The following MGST1 variants were observed in gnomAD, a reference collection of about 807,000 sequenced individuals.
MGST1 encodes the protein glutathione S-transferase 12.
In MGST1, 5 loss-of-function variants were observed where a neutral mutation model predicts 8.9. The ratio of observed to expected loss-of-function variants is 0.56; its 90% CI spans 0.29 to 1.19. The LOEUF (loss-of-function observed/expected upper bound fraction) is 1.19, where lower values mean the gene tolerates loss of function less well. MGST1 is among the 50% of genes most tolerant of loss of function. The pLI, the probability that MGST1 is intolerant of heterozygous loss-of-function variation, is 0.08. For missense variants in MGST1, 182 were observed against 187.4 expected, an observed-to-expected ratio of 0.97 and a Z score of 0.17; for synonymous variants, 54 against 67.8, an observed-to-expected ratio of 0.80 and a Z score of 1.00.
chr12:16,503,043 A>T lies in MGST1; in HGVS notation n.483-86485A>T, dbSNP rs2137170104. Among the ~76,000 whole-genome samples, 1 of 152,312 alleles carries T rather than the reference A, an allele frequency of 6.6e-6. No homozygotes were observed. On this transcript the variant is annotated intron_variant and non_coding_transcript_variant, in intron 4 of 4. Coordinates refer to the MGST1 transcript ENST00000538857. The surrounding 1 kb of genome is among the most constrained non-coding windows in gnomAD (Gnocchi z 4.8). ...CATTAGGAGTAGAATATGAATGACA[A>T]GTCAAATACAATCTCTGAGGGTGGA...
At chr12:16,360,358 A>G (rs1939934277) in intron 3 of MGST1, 1 of 985,270 alleles carries the variant, frequency 1.0e-6, no homozygotes, top group Admixed American at 6.1e-5. Context: ...TGGGGCTACA[A>G]ATGAAGTGAA....
At chr12:16,506,237 G>A (rs1015478191) in intron 4 of MGST1, among the ~76,000 whole-genome samples, 1 of 152,156 alleles carries the variant, frequency 6.6e-6, no homozygotes, top group African/African-American at 2.4e-5. Context: ...CCCTGAACCC[G>A]ATTCCAACAG....
At chr12:16,394,515 T>TTTCTTTCTTTCC (rs1940585016) in intron 1 of MGST1, among the ~76,000 whole-genome samples, 15 of 3,914 alleles carry the variant, frequency 3.8e-3, no homozygotes, top group African/African-American at 7.8e-3. Flanking sequence ...TTTCTCTCCC[T>TTTCTTTCTTTCC]TTCTTTCTTT....
At chr12:16,443,058 C>A (rs1441342023), downstream of MGST1, among the ~76,000 whole-genome samples, 2 of 151,762 alleles carry the variant, frequency 1.3e-5, no homozygotes, top group Non-Finnish European at 2.9e-5. Context: ...TAGAGCCATA[C>A]AAGTTTAGGG....
At chr12:16,521,711 G>C (rs1336394211) in intron 4 of MGST1, among the ~76,000 whole-genome samples, 1 of 152,022 alleles carries the variant, frequency 6.6e-6, no homozygotes, top group African/African-American at 2.4e-5. Flanking sequence ...GAATTAACTT[G>C]CAAAGAAATT....
At chr12:16,575,688 G>A (rs947306659) in intron 4 of MGST1, among the ~76,000 whole-genome samples, 1 of 152,120 alleles carries the variant, frequency 6.6e-6, no homozygotes, top group Non-Finnish European at 1.5e-5. Context: ...TCCACACACT[G>A]AGCCATTTAG....
intron 4 of MGST1, among the ~76,000 whole-genome samples, chr12:16,444,771 A>T (rs978087666): frequency 9.2e-5 from 14 of 151,932 alleles, no homozygotes; most frequent in African/African-American, 3.4e-4. Context: ...AGGGCACATA[A>T]TCCCAATTTA....
chr12:16,590,421 G>A (rs1943454733), downstream of MGST1, among the ~76,000 whole-genome samples: 1 of 151,778 alleles, frequency 6.6e-6, no homozygotes, highest in Non-Finnish European at 1.5e-5. Context: ...CATAACTAGA[G>A]CAAATATATT....
chr12:16,394,301 GC>G (rs2137055224), intron 1 of MGST1, among the ~76,000 whole-genome samples: 1 of 148,982 alleles, frequency 6.7e-6, no homozygotes, highest in East Asian at 2.2e-4. Flanking sequence ...TTGGAGTTTT[GC>G]CTTTTGGAAA....
intron 1 of MGST1, among the ~76,000 whole-genome samples, chr12:16,418,979 A>G (rs1434862626): frequency 6.6e-6 from 1 of 152,112 alleles, no homozygotes; most frequent in Non-Finnish European, 1.5e-5. Flanking sequence ...CTAAATTGGA[A>G]GAAGATCATT....
chr12:16,510,914 T>C (rs1591748293), intron 4 of MGST1, among the ~76,000 whole-genome samples: 1 of 152,334 alleles, frequency 6.6e-6, no homozygotes, highest in East Asian at 1.9e-4. Context: ...TTATAAGCTC[T>C]TTTGTAATGG....
At chr12:16,444,316 C>T (rs1024670275) in intron 4 of MGST1, among the ~76,000 whole-genome samples, 10 of 150,376 alleles carry the variant, frequency 6.7e-5, no homozygotes, top group Admixed American at 3.3e-4. Context: ...CATGCCTTTA[C>T]TCCAGACTAC....
intron 4 of MGST1, among the ~76,000 whole-genome samples, chr12:16,583,098 G>A (rs111721760): frequency 6.7e-6 from 1 of 150,226 alleles, no homozygotes; most frequent in African/African-American, 2.4e-5. Flanking sequence ...ATCCAAGACA[G>A]TAGAAAGCTT....
intron 4 of MGST1, among the ~76,000 whole-genome samples, chr12:16,534,033 G>A (rs571602425): frequency 1.3e-5 from 2 of 152,242 alleles, no homozygotes; most frequent in Admixed American, 6.5e-5. Context: ...AGATGAGTCT[G>A]GAAAGGTAGA....
intron 1 of MGST1, among the ~76,000 whole-genome samples, chr12:16,418,776 G>T (rs926681793): frequency 3.3e-5 from 5 of 152,046 alleles, no homozygotes; most frequent in Non-Finnish European, 5.9e-5. Flanking sequence ...TTACACTTGG[G>T]AATAAATAAA....
chr12:16,572,204 T>C lies in MGST1; in HGVS notation n.483-17324T>C, dbSNP rs558997057. On this transcript the variant is annotated intron_variant and non_coding_transcript_variant, in intron 4 of 4. Transcript: ENST00000538857. ...TCAATCCAGTATTAAGAAGGAGAAA[T>C]ACTAAAGTTGTACTTTTACGTAGTA... 7.6e-4 allele frequency among the ~76,000 whole-genome samples: 116 copies of C among 152,036 alleles called. 1 individual carries two copies. The highest frequency in any genetic ancestry group is 2.7e-3 in the African/African-American group (114 of 41,536).
intron 4 of MGST1, among the ~76,000 whole-genome samples, chr12:16,487,993 T>C (rs574762190): frequency 1.3e-5 from 2 of 152,320 alleles, no homozygotes; most frequent in East Asian, 3.9e-4. Context: ...TACCCATCTG[T>C]ACTATAAGGA....
At chr12:16,565,946 A>G (rs1282325329) in intron 4 of MGST1, among the ~76,000 whole-genome samples, 14 of 135,738 alleles carry the variant, frequency 1.0e-4, no homozygotes, top group African/African-American at 3.9e-4. Flanking sequence ...ATCAACCTAC[A>G]TGCCCATCAA....
intron 4 of MGST1, among the ~76,000 whole-genome samples, chr12:16,507,221 G>C (rs1308734423): frequency 6.6e-6 from 1 of 152,172 alleles, no homozygotes; most frequent in African/African-American, 2.4e-5. Context: ...GGAGAAAGAA[G>C]ACAACATTGG....
Sources: allele counts gnomAD v4.1 joint callset (sites outside exome capture counted in the v4.1 genomes callset), GRCh38; gene constraint gnomAD v4.1.1; non-coding constraint Gnocchi (gnomAD v3.1); transcripts MANE v1.5; gene names NCBI Gene and HGNC (gene_info 2026-07-23, HGNC 2026-07-21).